The following KANSL1 variants were observed in gnomAD, a reference collection of about 807,000 sequenced individuals.
The protein encoded by KANSL1 is MLL1/MLL complex subunit KANSL1.
In KANSL1, 22 loss-of-function variants were observed where a neutral mutation model predicts 103.6. The ratio of observed to expected loss-of-function variants is 0.21; its 90% CI spans 0.15 to 0.30. The LOEUF (loss-of-function observed/expected upper bound fraction) is 0.30. Among genes scored for constraint, KANSL1 ranks in the 10% least tolerant of loss-of-function variants. KANSL1 has a pLI of 1.00. For missense variants in KANSL1, 1,337 were observed against 1,399.8 expected (o/e 0.96, Z 0.72); for synonymous variants, 600 against 527.6 (o/e 1.14, Z -1.88).
rs563758139 is a variant in KANSL1 at position 46,057,049 on chromosome 17, C to T, written c.1849-6345G>A. Among the ~76,000 whole-genome samples the T allele has an allele frequency of 2.6e-5, 4 of 152,226 alleles. No individual in the cohort carries two copies. In the South Asian group the frequency reaches 8.3e-4, roughly 32 times the overall value. On this transcript the variant is annotated intron_variant, in intron 6 of 14. Transcript: ENST00000432791. ...CGTCTAGAAAAATTCAAAGCACAGG[C>T]TCCCATTAAATATTAGTGGTGAGTC... is the stretch of plus-strand genomic sequence containing the variant.
At chr17:46,144,392 T>C (rs1370902481) in intron 2 of KANSL1, among the ~76,000 whole-genome samples, 4 of 152,256 alleles carry the variant, frequency 2.6e-5, no homozygotes, top group South Asian at 2.1e-4. Context: ...AGTCTACTAA[T>C]TGCATATTCA....
At chr17:46,192,174 G>A (rs1009432010) in intron 1 of KANSL1, among the ~76,000 whole-genome samples, 8 of 152,316 alleles carry the variant, frequency 5.3e-5, no homozygotes, top group African/African-American at 1.9e-4. Flanking sequence ...AGACACGGGA[G>A]TAGCGCTGTT....
intron 2 of KANSL1, among the ~76,000 whole-genome samples, chr17:46,140,745 T>C (rs758463859): frequency 1.3e-5 from 2 of 152,178 alleles, no homozygotes; most frequent in Non-Finnish European, 2.9e-5. Context: ...AAAGAAGATA[T>C]ACAAATGACC....
intron 9 of KANSL1, 48 bp downstream of exon 9, chr17:46,038,979 C>A (rs762258142): frequency 1.3e-6 from 2 of 1,585,402 alleles, no homozygotes; most frequent in Non-Finnish European, 1.7e-6. Flanking sequence ...CCCAGAAAGC[C>A]CTGAGCAGGT....
Position 46,039,799 on chromosome 17 carries a change from C to G in KANSL1, c.2106G>C (p.Lys702Asn), listed in dbSNP as rs371108710. 3 of 1,614,066 alleles carry G rather than the reference C, an allele frequency of 1.9e-6. No homozygotes were observed. Among genetic ancestry groups the G allele is most frequent in the African/African-American group, 2.7e-5 (2 of 74,920 alleles). ...TGGGTGCTCTGTGCTTAAGCGATAA[C>G]TTTTTGGGAGGTTTGATTTTGTCAA... Reference protein sequence around the residue: ...KPFDKIKPPKKLSLKHRAPMP... With the variant: ...KPFDKIKPPKNLSLKHRAPMP... The change falls in exon 8 of 15, where the codon AAG (lysine) becomes AAC (asparagine). Residue 702 changes from lysine (K) to asparagine (N), a missense_variant. This residue lies in a region of KANSL1 where 780 missense variants were observed against 923.4 expected (regional missense o/e 0.84). Transcript: ENST00000432791.
upstream of KANSL1, among the ~76,000 whole-genome samples, chr17:46,194,798 A>C (rs562108255): frequency 6.6e-6 from 1 of 152,236 alleles, no homozygotes; most frequent in Non-Finnish European, 1.5e-5. Flanking sequence ...ACTTCTGCTT[A>C]TCAAAAAACA....
chr17:46,053,926 C>G (rs533320876), intron 6 of KANSL1, among the ~76,000 whole-genome samples: 1 of 151,940 alleles, frequency 6.6e-6, no homozygotes, highest in Non-Finnish European at 1.5e-5. Flanking sequence ...AGTTAAAAAA[C>G]AACAAGAACA....
intron 14 of KANSL1, 68 bp downstream of exon 14, chr17:46,031,979 C>A: frequency 6.2e-7 from 1 of 1,606,870 alleles, no homozygotes; most frequent in Non-Finnish European, 8.5e-7. Flanking sequence ...CCCTCTTCAG[C>A]AGATGCTGCC....
intron 2 of KANSL1, among the ~76,000 whole-genome samples, chr17:46,115,217 A>G (rs1487357539): frequency 2.0e-5 from 3 of 148,416 alleles, no homozygotes; most frequent in Non-Finnish European, 3.1e-5. Flanking sequence ...CTGCCACCAC[A>G]CCCAGCTAAT....
At chr17:46,095,258 T>C (rs1394328816) in intron 2 of KANSL1, among the ~76,000 whole-genome samples, 2 of 152,218 alleles carry the variant, frequency 1.3e-5, no homozygotes, top group Non-Finnish European at 2.9e-5. Context: ...GCGATTCTCA[T>C]GAACATCTAT....
At chr17:46,035,075 G>A (rs17653193) in intron 10 of KANSL1, 21,808 of 152,306 alleles carry the variant, frequency 0.14, 2,131 homozygotes, top group Non-Finnish European at 0.22. Context: ...CAGTAGCTGG[G>A]AGACTAGGGA....
Position 46,172,167 on chromosome 17 carries a change from C to T in KANSL1, c.-24G>A, listed in dbSNP as rs1388500403. On this transcript the variant is annotated 5_prime_UTR_variant, in exon 2 of 15. Coordinates refer to ENST00000432791, the MANE Select transcript of KANSL1 (RefSeq NM_015443.4). ...ATTCAGCACAGAGAGACAGGAAGTC[C>T]AGCCTCTCCCGATGCCGAGGCCGAG... 1.3e-6 allele frequency: 2 copies of T among 1,593,940 alleles called. No individual in the cohort carries two copies. Among genetic ancestry groups the T allele is most frequent in the Non-Finnish European group, 1.7e-6 (2 of 1,176,588 alleles).
At chr17:46,123,445 A>G (rs1412296287) in intron 2 of KANSL1, among the ~76,000 whole-genome samples, 2 of 152,232 alleles carry the variant, frequency 1.3e-5, no homozygotes, top group East Asian at 3.8e-4. Flanking sequence ...GGTATGTTGA[A>G]AGCCAACATA....
At chr17:46,055,474 A>G (rs2077891381) in intron 6 of KANSL1, among the ~76,000 whole-genome samples, 1 of 152,002 alleles carries the variant, frequency 6.6e-6, no homozygotes, top group Non-Finnish European at 1.5e-5. Context: ...TCAAAAAAAA[A>G]AAAAAGTGAA....
At chr17:46,076,232 C>T (rs760298812) in intron 4 of KANSL1, among the ~76,000 whole-genome samples, 12 of 152,210 alleles carry the variant, frequency 7.9e-5, no homozygotes, top group Middle Eastern at 3.4e-3. Context: ...CAGTGGCTCA[C>T]GCCTGTAATC....
chr17:46,038,204 C>T, intron 10 of KANSL1: 1 of 264,500 alleles, frequency 3.8e-6, no homozygotes, highest in Non-Finnish European at 7.1e-6. Flanking sequence ...GGATTAGGGC[C>T]ACGGAACTGT....
chr17:46,148,965 A>G (rs2696583), intron 2 of KANSL1, among the ~76,000 whole-genome samples: 18,423 of 148,294 alleles, frequency 0.12, 22 homozygotes, highest in Middle Eastern at 0.2. Context: ...ACCAAATTCA[A>G]AAAATTATTT....
chr17:46,189,265 A>G (rs956332193), intron 1 of KANSL1, among the ~76,000 whole-genome samples: 50 of 152,026 alleles, frequency 3.3e-4, no homozygotes, highest in Non-Finnish European at 8.8e-5. Context: ...AAACCACTCA[A>G]TAAGATTTAC....
At chr17:46,097,222 C>T (rs1000165716) in intron 2 of KANSL1, among the ~76,000 whole-genome samples, 1 of 152,158 alleles carries the variant, frequency 6.6e-6, no homozygotes, top group African/African-American at 2.4e-5. Context: ...TATGTATCAA[C>T]ATGATTAAAT....
Sources: allele counts gnomAD v4.1 joint callset (sites outside exome capture counted in the v4.1 genomes callset), GRCh38; gene constraint gnomAD v4.1.1; regional missense constraint gnomAD v4.1.1; transcripts MANE v1.5; gene names NCBI Gene and HGNC (gene_info 2026-07-23, HGNC 2026-07-21).